The following METTL24 variants were observed in gnomAD, a reference collection of about 807,000 sequenced individuals.
The protein encoded by METTL24 is probable methyltransferase-like protein 24.
In METTL24, 29 loss-of-function variants were observed where a neutral mutation model predicts 32.7. The observed-to-expected ratio is 0.89, with a 90% CI of 0.66 to 1.21. The LOEUF is 1.21. Among genes scored for constraint, METTL24 ranks in the 50% most tolerant of loss-of-function variants. The probability of loss-of-function intolerance (pLI) is 0.00; values close to 1 mark genes in which losing one functional copy is unlikely to be tolerated. For synonymous variants in METTL24, 163 were observed against 179.5 expected (o/e 0.91, Z 0.73); for missense variants, 439 against 468.1 (o/e 0.94, Z 0.57).
At chr6:110,354,585 T>C (rs932993894) in intron 1 of METTL24, among the ~76,000 whole-genome samples, 7 of 152,342 alleles carry the variant, frequency 4.6e-5, no homozygotes, top group African/African-American at 1.7e-4. Flanking sequence ...GTTTAACAAA[T>C]AGCTTCCTAA....
chr6:110,270,251 A>G (rs1019454830), intron 4 of METTL24, among the ~76,000 whole-genome samples: 1 of 151,366 alleles, frequency 6.6e-6, no homozygotes, highest in Admixed American at 6.6e-5. Flanking sequence ...TTTTAGACTG[A>G]GGTTTCCAGG....
chr6:110,297,728 T>C (rs572489408), intron 4 of METTL24, among the ~76,000 whole-genome samples: 21 of 152,342 alleles, frequency 1.4e-4, no homozygotes, highest in African/African-American at 4.8e-4. Context: ...ATTAACAGCA[T>C]GTAAAAAGGA....
chr6:110,290,340 C>A (rs1272105123), intron 4 of METTL24, among the ~76,000 whole-genome samples: 2 of 152,174 alleles, frequency 1.3e-5, no homozygotes, highest in Admixed American at 1.3e-4. Flanking sequence ...CAACTCTGCT[C>A]CCTCACCACC....
intron 4 of METTL24, among the ~76,000 whole-genome samples, chr6:110,287,121 C>T (rs891394932): frequency 1.3e-5 from 2 of 152,214 alleles, no homozygotes; most frequent in Admixed American, 6.5e-5. Flanking sequence ...ATTGCAGCTC[C>T]ATGTTAGTTA....
In METTL24 at chr6:110,333,451, A is replaced by G. The variant is rs186337995; in HGVS notation, c.319-10579T>C. ...ATATTTTTCACTTGATTTTTATTTT[A>G]TTATATTATTATTTATTTATGTATT... is the stretch of plus-strand genomic sequence containing the variant. On this transcript the variant is annotated intron_variant, in intron 1 of 4. Coordinates refer to ENST00000338882, the MANE Select transcript of METTL24 (RefSeq NM_001123364.3). Among the ~76,000 whole-genome samples, 455 of 151,992 alleles carry G rather than the reference A, an allele frequency of 3.0e-3. 5 individuals carry two copies. The highest frequency in any genetic ancestry group is 5.3e-3 in the Non-Finnish European group (359 of 67,952).
intron 4 of METTL24, among the ~76,000 whole-genome samples, chr6:110,295,485 C>T (rs1771396391): frequency 6.6e-6 from 1 of 152,240 alleles, no homozygotes. Flanking sequence ...CCAGCTCCCC[C>T]AGGGCGTCTG....
chr6:110,348,781 G>A (rs1437370722), intron 1 of METTL24, among the ~76,000 whole-genome samples: 3 of 152,164 alleles, frequency 2.0e-5, no homozygotes, highest in Non-Finnish European at 4.4e-5. Context: ...TACACTCATG[G>A]CTTTATTTAT....
chr6:110,289,267 A>C (rs1290551766), intron 4 of METTL24, among the ~76,000 whole-genome samples: 1 of 152,202 alleles, frequency 6.6e-6, no homozygotes, highest in Non-Finnish European at 1.5e-5. Flanking sequence ...CAATAATTAG[A>C]ATGTTACTTC....
rs573471400 is a variant in METTL24, at chr6:110,315,324, G to T, written c.557+18C>A. 6.2e-6 allele frequency: 10 copies of T among 1,613,502 alleles called. No individual in the cohort carries two copies. The East Asian group carries it at 2.0e-4, about 32-fold the overall frequency. ...AGCAGTGTTTGTGTTTTCTTCTGCT[G>T]TAAAAAAATGTACTCACCCTAAGGA... is the stretch of plus-strand genomic sequence containing the variant. On this transcript the variant is annotated intron_variant, in intron 3 of 4. Coordinates refer to ENST00000338882, the MANE Select transcript of METTL24 (RefSeq NM_001123364.3).
chr6:110,309,140 T>A (rs1048479054), intron 3 of METTL24, among the ~76,000 whole-genome samples: 1 of 152,104 alleles, frequency 6.6e-6, no homozygotes, highest in East Asian at 1.9e-4. Flanking sequence ...TTTTAAAAGG[T>A]AACAAAACAA....
At chr6:110,304,419 T>G (rs977912231) in intron 3 of METTL24, among the ~76,000 whole-genome samples, 1 of 152,076 alleles carries the variant, frequency 6.6e-6, no homozygotes, top group African/African-American at 2.4e-5. Flanking sequence ...CTAAGAACCT[T>G]GATAAAAGGT....
chr6:110,330,645 C>A (rs1285020275), intron 1 of METTL24, among the ~76,000 whole-genome samples: 2 of 152,108 alleles, frequency 1.3e-5, no homozygotes, highest in Admixed American at 6.5e-5. Context: ...CTGCCCAAGC[C>A]CCAGACTGGC....
chr6:110,338,704 A>G (rs1772288644), intron 1 of METTL24, among the ~76,000 whole-genome samples: 1 of 152,240 alleles, frequency 6.6e-6, no homozygotes, highest in African/African-American at 2.4e-5. Context: ...AAGTATTTAC[A>G]TAGCAGTTAT....
chr6:110,322,852 AT>A lies in METTL24; in HGVS notation c.338del (p.Asp113ValfsTer20). ...GAGCAGAGCCTGCCCAAGGCTGGAG[AT>A]CTATATGCCACCGGGGACCCTGCAA... is the stretch of plus-strand genomic sequence containing the variant. ...PRRKGPRWHI[D>X]LQPWAGSAQS... On this transcript the variant is annotated frameshift_variant, in exon 2 of 5. Transcript: ENST00000338882. LOFTEE classifies it high-confidence loss of function. 6.2e-7 allele frequency: 1 copy of A among 1,613,846 alleles called. No homozygotes were observed. The highest frequency in any genetic ancestry group is 8.5e-7 in the Non-Finnish European group (1 of 1,179,882).
intron 1 of METTL24, among the ~76,000 whole-genome samples, chr6:110,353,788 T>C (rs937287603): frequency 9.2e-5 from 14 of 152,176 alleles, no homozygotes; most frequent in Admixed American, 6.5e-5. Flanking sequence ...ATCTGTCTTT[T>C]AGGTGGATTG....
At chr6:110,274,440 A>G (rs1771009401) in intron 4 of METTL24, among the ~76,000 whole-genome samples, 1 of 152,202 alleles carries the variant, frequency 6.6e-6, no homozygotes, top group Non-Finnish European at 1.5e-5. Flanking sequence ...GTTCTCACTT[A>G]TAAGTGGGAC....
intron 1 of METTL24, among the ~76,000 whole-genome samples, chr6:110,341,669 C>T (rs1772359817): frequency 6.6e-6 from 1 of 152,124 alleles, no homozygotes. Flanking sequence ...TTCTGAGATC[C>T]AGATTTCAGC....
chr6:110,253,030 T>C (rs1363501656), intron 4 of METTL24, among the ~76,000 whole-genome samples: 2 of 152,228 alleles, frequency 1.3e-5, no homozygotes, highest in Non-Finnish European at 2.9e-5. Flanking sequence ...TAACACAGTC[T>C]GGTAGAAGTG....
At chr6:110,310,011 C>T (rs1771692699) in intron 3 of METTL24, among the ~76,000 whole-genome samples, 1 of 152,126 alleles carries the variant, frequency 6.6e-6, no homozygotes, top group Non-Finnish European at 1.5e-5. Context: ...TTTGGGGAAA[C>T]ATGCCCAAAA....
Sources: allele counts gnomAD v4.1 joint callset (sites outside exome capture counted in the v4.1 genomes callset), GRCh38; gene constraint gnomAD v4.1.1; transcripts MANE v1.5; gene names NCBI Gene and HGNC (gene_info 2026-07-23, HGNC 2026-07-21).